The following ANKRD45 variants were observed in gnomAD, a reference collection of about 807,000 sequenced individuals.
ANKRD45 encodes the protein ankyrin repeat domain 45, also known as ankyrin repeat domain-containing protein 45.
A neutral mutation model predicts 28.1 loss-of-function variants in ANKRD45; 21 were observed. The ratio of observed to expected loss-of-function variants is 0.75; its 90% CI spans 0.53 to 1.08. ANKRD45 has a LOEUF of 1.08. Ranked by LOEUF, ANKRD45 falls within the 50% of genes least tolerant of loss-of-function variation. ANKRD45 has a pLI of 0.00. For missense variants in ANKRD45, 261 were observed against 308.7 expected (o/e 0.85, Z 1.16); for synonymous variants, 86 against 103.9 (o/e 0.83, Z 1.05).
chr1:173,643,311 T>C (rs1327972215), intron 3 of ANKRD45, among the ~76,000 whole-genome samples: 1 of 151,704 alleles, frequency 6.6e-6, no homozygotes, highest in Non-Finnish European at 1.5e-5. Flanking sequence ...GTAGTTAGGA[T>C]TACAGGCTCC....
chr1:173,685,046 C>A, the ANKRD45 span, among the ~76,000 whole-genome samples: 3 of 152,114 alleles, frequency 2.0e-5, no homozygotes, highest in African/African-American at 7.2e-5. Context: ...TCTTGCTTTA[C>A]GATGTTTTAT....
chr1:173,693,619 A>G, the ANKRD45 span, among the ~76,000 whole-genome samples: 1 of 152,248 alleles, frequency 6.6e-6, no homozygotes, highest in Non-Finnish European at 1.5e-5. Flanking sequence ...AAGGATGTGG[A>G]CAACATAGAA....
intron 1 of ANKRD45, among the ~76,000 whole-genome samples, chr1:173,666,739 A>G (rs1670036126): frequency 6.6e-6 from 1 of 152,064 alleles, no homozygotes; most frequent in Non-Finnish European, 1.5e-5. Context: ...AAGAACTCTA[A>G]CACAAATAGC....
intron 5 of ANKRD45, among the ~76,000 whole-genome samples, chr1:173,620,407 G>C (rs1375296195): frequency 6.6e-6 from 1 of 152,148 alleles, no homozygotes; most frequent in African/African-American, 2.4e-5. Flanking sequence ...AAACTAATGA[G>C]AACAAAGAGA....
At chr1:173,659,933 C>T (rs1669706731) in intron 1 of ANKRD45, among the ~76,000 whole-genome samples, 1 of 152,098 alleles carries the variant, frequency 6.6e-6, no homozygotes, top group South Asian at 2.1e-4. Flanking sequence ...TTATTTCCTA[C>T]CTTCAACAAG....
At chr1:173,713,772 C>G in the ANKRD45 span, among the ~76,000 whole-genome samples, 1 of 152,058 alleles carries the variant, frequency 6.6e-6, no homozygotes, top group African/African-American at 2.4e-5. Context: ...CATTGCCTAG[C>G]CACCCCTACC....
intron 3 of ANKRD45, among the ~76,000 whole-genome samples, chr1:173,638,227 G>A (rs528588191): frequency 3.3e-4 from 50 of 152,156 alleles, no homozygotes; most frequent in African/African-American, 1.0e-3. Context: ...AAAGAGAATC[G>A]GCGAGACATC....
rs535878440 is a variant in ANKRD45, at chr1:173,629,155, C to T, written c.497-1996G>A. 3.3e-5 allele frequency among the ~76,000 whole-genome samples: 5 copies of T among 152,274 alleles called. No homozygotes were observed. In the South Asian group the frequency reaches 8.3e-4, roughly 25 times the overall value. On this transcript the variant is annotated intron_variant, in intron 3 of 5. Coordinates refer to ENST00000333279, the MANE Select transcript of ANKRD45 (RefSeq NM_198493.3). ...CACAACATCCAAGTCCCTTCAAATA[C>T]GTAGAAAGCCTTCCCAAGAAGGACA...
intron 2 of ANKRD45, 26 bp from the exon 3 acceptor site, chr1:173,647,039 G>A (rs990709646): frequency 1.2e-6 from 2 of 1,601,298 alleles, no homozygotes; most frequent in African/African-American, 2.7e-5. Flanking sequence ...AAGATGGTGA[G>A]ATCAAACAGA....
chr1:173,698,100 A>C, the ANKRD45 span, among the ~76,000 whole-genome samples: 1 of 152,238 alleles, frequency 6.6e-6, no homozygotes, highest in African/African-American at 2.4e-5. Context: ...GATCAATTCA[A>C]CAAGAAGAGC....
chr1:173,610,294 A>G (rs985353324), intron 5 of ANKRD45, 79 bp from the exon 6 acceptor site: 63 of 1,327,764 alleles, frequency 4.7e-5, no homozygotes, highest in Non-Finnish European at 6.5e-5. Context: ...TTAAGACAAT[A>G]AGAATGGAAT....
chr1:173,644,818 C>A (rs1039034567), intron 3 of ANKRD45, among the ~76,000 whole-genome samples: 5 of 151,954 alleles, frequency 3.3e-5, no homozygotes, highest in African/African-American at 9.7e-5. Flanking sequence ...CATGGTGAAA[C>A]CCTGTCTCTA....
At chr1:173,686,837 A>G in the ANKRD45 span, among the ~76,000 whole-genome samples, 1 of 152,230 alleles carries the variant, frequency 6.6e-6, no homozygotes, top group Non-Finnish European at 1.5e-5. Context: ...CCTTTATATT[A>G]GTGTGTTATT....
At chr1:173,669,657 G>A (rs1302258009) in intron 1 of ANKRD45, among the ~76,000 whole-genome samples, 160 bp downstream of exon 1, 1 of 152,118 alleles carries the variant, frequency 6.6e-6, no homozygotes, top group Non-Finnish European at 1.5e-5. Context: ...GGAGACCGGT[G>A]CGCAAAGCTC....
upstream of ANKRD45, among the ~76,000 whole-genome samples, chr1:173,674,263 C>T (rs1453491949): frequency 1.3e-5 from 2 of 152,240 alleles, no homozygotes; most frequent in Middle Eastern, 3.4e-3. Flanking sequence ...ATCCTCCTGC[C>T]TCAGCCTCCC....
chr1:173,614,881 A>G (rs1474980420), intron 5 of ANKRD45, among the ~76,000 whole-genome samples: 1 of 152,034 alleles, frequency 6.6e-6, no homozygotes, highest in Non-Finnish European at 1.5e-5. Context: ...CAGGGGCATG[A>G]TATCAGCTCA....
intron 1 of ANKRD45, among the ~76,000 whole-genome samples, chr1:173,666,099 G>C (rs1670005817): frequency 6.6e-6 from 1 of 152,148 alleles, no homozygotes; most frequent in Admixed American, 6.5e-5. Flanking sequence ...AATAGTTTAT[G>C]AAAAATAACT....
At chr1:173,610,887 T>C (rs187031857) in intron 5 of ANKRD45, among the ~76,000 whole-genome samples, 2 of 152,220 alleles carry the variant, frequency 1.3e-5, no homozygotes, top group East Asian at 1.9e-4. Flanking sequence ...TCTTAAACTA[T>C]ACTCACTTTC....
chr1:173,684,459 C>T, the ANKRD45 span, among the ~76,000 whole-genome samples: 3 of 152,076 alleles, frequency 2.0e-5, no homozygotes, highest in Non-Finnish European at 4.4e-5. Flanking sequence ...TTTCAATGAG[C>T]CTCTGCACCA....
Sources: allele counts gnomAD v4.1 joint callset (sites outside exome capture counted in the v4.1 genomes callset), GRCh38; gene constraint gnomAD v4.1.1; transcripts MANE v1.5; gene names NCBI Gene and HGNC (gene_info 2026-07-23, HGNC 2026-07-21).